The following EIF3M variants were observed in gnomAD, a reference collection of about 807,000 sequenced individuals.
The protein encoded by EIF3M is B5 receptor.
EIF3M carries 25 observed loss-of-function variants against 49.7 expected under a neutral mutation model. The ratio of observed to expected loss-of-function variants is 0.50; its 90% CI spans 0.37 to 0.70. The LOEUF (loss-of-function observed/expected upper bound fraction) is 0.70. EIF3M is among the 30% of genes least tolerant of loss of function. The pLI, the probability that EIF3M is intolerant of heterozygous loss-of-function variation, is 0.00. For synonymous variants in EIF3M, 156 were observed against 149.8 expected (o/e 1.04, Z -0.30); for missense variants, 350 against 440.0 (o/e 0.80, Z 1.83).
chr11:32,598,541 TC>T (rs1396695966), intron 8 of EIF3M, among the ~76,000 whole-genome samples: 3 of 152,154 alleles, frequency 2.0e-5, no homozygotes, highest in South Asian at 4.2e-4. Flanking sequence ...AGAACAAGAG[TC>T]CTAAGGGTTT....
rs138327187 is a variant in EIF3M at position 32,588,654 on chromosome 11, A to G, written c.236A>G (p.Gln79Arg). Residue 79 changes from glutamine (Q) to arginine (R), a missense_variant, in exon 3 of 11, where the codon CAA (glutamine) becomes CGA (arginine). Coordinates refer to ENST00000531120, the MANE Select transcript of EIF3M (RefSeq NM_006360.6). ...CTCTTGATCCTGGAACCAGACAAGCAAGAAGCTTTGATTGAAAGCCTATGT... is the reference window on the plus strand; with the variant it reads ...CTCTTGATCCTGGAACCAGACAAGCGAGAAGCTTTGATTGAAAGCCTATGT... The part of the protein sequence containing the change: ...SLLLILEPDK[Q>R]EALIESLCEK... The G allele has an allele frequency of 7.4e-5, 120 of 1,614,232 alleles. No homozygotes were observed. In the African/African-American group the frequency reaches 1.4e-3, roughly 18 times the overall value.
rs1450313918 is a variant in EIF3M at position 32,593,916 on chromosome 11, A to G, written c.584A>G (p.Asp195Gly). 1.3e-6 allele frequency: 2 copies of G among 1,578,386 alleles called. No individual in the cohort carries two copies. The highest frequency in any genetic ancestry group is 8.6e-7 in the Non-Finnish European group (1 of 1,163,208). The change falls in exon 6 of 11, where the codon GAC (aspartate) becomes GGC (glycine). Residue 195 changes from aspartate (D) to glycine (G), a missense_variant. Asp to Gly is a moderately conservative substitution (Grantham distance 94). Coordinates refer to ENST00000531120, the MANE Select transcript of EIF3M (RefSeq NM_006360.6). ...GAATTGCTCGGAAGTTACACAGAGG[A>G]CAATGCTTCCCAGGCTCGAGTTGAT... ...MVELLGSYTE[D>G]NASQARVDAH...
At chr11:32,597,604 T>C (rs1189545424) in intron 8 of EIF3M, among the ~76,000 whole-genome samples, 1 of 152,220 alleles carries the variant, frequency 6.6e-6, no homozygotes, top group African/African-American at 2.4e-5. Context: ...AAACCCTACA[T>C]ATGTTCAATA....
At chr11:32,589,466 C>T (rs1855059628) in intron 4 of EIF3M, 81 bp from the exon 5 acceptor site, 12 of 1,395,306 alleles carry the variant, frequency 8.6e-6, no homozygotes, top group Middle Eastern at 2.3e-4. Flanking sequence ...CGTGAGCCAC[C>T]ACGCCCAGCC....
chr11:32,595,095 T>C, intron 7 of EIF3M, 82 bp downstream of exon 7: 1 of 1,217,114 alleles, frequency 8.2e-7, no homozygotes, highest in South Asian at 1.4e-5. Flanking sequence ...TTTCTTTGCA[T>C]TAATAAAAGT....
intron 5 of EIF3M, chr11:32,592,773 A>G (rs1157082843): frequency 6.8e-6 from 3 of 443,982 alleles, no homozygotes; most frequent in Non-Finnish European, 1.3e-5. Flanking sequence ...GGCCTCTTCC[A>G]GGTTGAGTTC....
At chr11:32,596,405 C>T (rs982263563) in intron 8 of EIF3M, among the ~76,000 whole-genome samples, 3 of 151,938 alleles carry the variant, frequency 2.0e-5, no homozygotes, top group African/African-American at 7.3e-5. Context: ...TCTTGGCTGA[C>T]TAACATGGTG....
intron 10 of EIF3M, 110 bp from the exon 11 acceptor site, chr11:32,602,169 A>G (rs1855279338): frequency 1.4e-5 from 20 of 1,412,436 alleles, no homozygotes; most frequent in Admixed American, 6.1e-5. Flanking sequence ...ACTATTCTAA[A>G]TTAGGTATAT....
At chr11:32,602,110 A>G in intron 10 of EIF3M, 169 bp from the exon 11 acceptor site, 2 of 1,112,596 alleles carry the variant, frequency 1.8e-6, no homozygotes, top group South Asian at 1.4e-5. Flanking sequence ...CTTAGGATCA[A>G]TATGGTAAAG....
At position 32,602,296 on chromosome 11, in the gene EIF3M, C is replaced by T; in HGVS notation, c.1022C>T (p.Thr341Ile). ...KVVVSHSTHR[T>I]FGKQQWQQLY... ...ATTTTTAGTCATAGCACACATCGGA[C>T]ATTTGGAAAACAGCAGTGGCAACAA... Residue 341 changes from threonine to isoleucine, a missense_variant, in exon 11 of 11, where the codon ACA becomes ATA. Thr to Ile is a moderately conservative substitution (Grantham distance 89). Transcript: ENST00000531120. 2 of 1,611,220 alleles carry T rather than the reference C, an allele frequency of 1.2e-6. No individual in the cohort carries two copies. Among genetic ancestry groups the T allele is most frequent in the Non-Finnish European group, 1.7e-6 (2 of 1,178,390 alleles).
rs1855287287 is a variant in EIF3M, at chr11:32,602,555, G to A, written c.*156G>A. 3 of 915,802 alleles carry A rather than the reference G, an allele frequency of 3.3e-6. No individual in the cohort carries two copies. The African/African-American group carries it at 5.0e-5, about 15-fold the overall frequency. 56.7% of individuals were successfully genotyped at this position (915,802 alleles called of 1,614,324 possible). On this transcript the variant is annotated 3_prime_UTR_variant, in exon 11 of 11. Transcript: ENST00000531120. ...AGGATATGAAGTAATAAATTACAAG[G>A]GGTCACAATGTCTGTCATACAATAC...
At chr11:32,592,652 T>G in intron 5 of EIF3M, 1 of 508,216 alleles carries the variant, frequency 2.0e-6, no homozygotes. Flanking sequence ...CCACACAACC[T>G]GTGAGTGTGC....
At chr11:32,600,886 G>A in intron 9 of EIF3M, 54 bp downstream of exon 9, 1 of 1,522,826 alleles carries the variant, frequency 6.6e-7, no homozygotes. Flanking sequence ...TCTACTACAT[G>A]GATCATAGTA....
At chr11:32,594,326 T>C in intron 6 of EIF3M, 1 of 168,562 alleles carries the variant, frequency 5.9e-6, no homozygotes, top group Non-Finnish European at 1.3e-5. Flanking sequence ...TTTAACAGTC[T>C]TAGATCTAAC....
chr11:32,602,156 C>T, intron 10 of EIF3M, 123 bp from the exon 11 acceptor site: 1 of 1,337,544 alleles, frequency 7.5e-7, no homozygotes. Context: ...CTTAAATTCT[C>T]TTACTATTCT....
At chr11:32,586,776 C>T (rs1022188578) in intron 1 of EIF3M, among the ~76,000 whole-genome samples, 10 of 152,186 alleles carry the variant, frequency 6.6e-5, no homozygotes, top group African/African-American at 2.4e-4. Flanking sequence ...GAGAGAAATT[C>T]TGAAGGTGAT....
chr11:32,593,823 A>G, intron 5 of EIF3M, 43 bp from the exon 6 acceptor site: 1 of 1,369,998 alleles, frequency 7.3e-7, no homozygotes, highest in Non-Finnish European at 1.0e-6. Flanking sequence ...ATGAATGAAT[A>G]GCAGTAATGC....
chr11:32,603,452 G>A lies in EIF3M; in HGVS notation c.*1053G>A, dbSNP rs1855304063. The A allele has an allele frequency of 6.5e-6, 1 of 153,354 alleles. No individual in the cohort carries two copies. Among genetic ancestry groups the A allele is most frequent in the Non-Finnish European group, 1.5e-5 (1 of 68,878 alleles). 9.5% of individuals were successfully genotyped at this position (153,354 alleles called of 1,614,324 possible). The stretch of plus-strand genomic sequence containing the variant: ...CTGGAAATTTAGAAAATAGAGTAAA[G>A]TAGAAAGAAACTAAAAATCATTAGT... On this transcript the variant is annotated 3_prime_UTR_variant, in exon 11 of 11. Coordinates refer to ENST00000531120, the MANE Select transcript of EIF3M (RefSeq NM_006360.6).
chr11:32,602,750 T>C lies in EIF3M; in HGVS notation c.*351T>C, dbSNP rs1590533722. The stretch of plus-strand genomic sequence containing the variant: ...TTTAAATACAACAGTCATTTTATTC[T>C]AGTAAAAACTATACCAGAATTTCAG... On this transcript the variant is annotated 3_prime_UTR_variant, in exon 11 of 11. Transcript: ENST00000531120. The C allele has an allele frequency of 2.5e-6, 3 of 1,204,770 alleles. No homozygotes were observed. The highest frequency in any genetic ancestry group is 2.5e-5 in the East Asian group (1 of 39,450). The allele number at this position is 1,204,770 out of a possible 1,614,324, so 74.6% of individuals were successfully genotyped here.
Sources: allele counts gnomAD v4.1 joint callset (sites outside exome capture counted in the v4.1 genomes callset), GRCh38; gene constraint gnomAD v4.1.1; transcripts MANE v1.5; gene names NCBI Gene and HGNC (gene_info 2026-07-23, HGNC 2026-07-21).